Variants in TBL2 observed in about 807,000 individuals in gnomAD.
TBL2 encodes the protein transducin beta like 2, also known as transducin beta-like protein 2.
Under a neutral mutation model 41.8 loss-of-function variants are expected in TBL2, and 33 were observed. The observed-to-expected ratio is 0.79, with a 90% CI of 0.60 to 1.06. The LOEUF (loss-of-function observed/expected upper bound fraction) is 1.06, where lower values mean the gene tolerates loss of function less well. Ranked by LOEUF, TBL2 falls within the 50% of genes least tolerant of loss-of-function variation. TBL2 has a pLI of 0.00. For synonymous variants in TBL2, 239 were observed against 241.7 expected, an observed-to-expected ratio of 0.99 and a Z score of 0.10; for missense variants, 522 against 603.8, an observed-to-expected ratio of 0.86 and a Z score of 1.42.
chr7:73,577,044 G>T (rs547236428), intron 1 of TBL2, among the ~76,000 whole-genome samples: 57 of 151,998 alleles, frequency 3.8e-4, no homozygotes, highest in Non-Finnish European at 7.4e-4. Context: ...GATCACAAGA[G>T]GTTAGGAGAT....
rs558316664 is a variant in TBL2 at position 73,573,412 on chromosome 7, C to G, written c.506G>C (p.Arg169Pro). 3 of 1,614,042 alleles carry G rather than the reference C, an allele frequency of 1.9e-6. No homozygotes were observed. The highest frequency in any genetic ancestry group is 2.2e-5 in the South Asian group (2 of 91,082). The change falls in exon 4 of 7, where the codon CGG (arginine) becomes CCG (proline). Residue 169 changes from arginine (R) to proline (P), a missense_variant. Transcript: ENST00000305632. Reference protein sequence around the residue: ...DTLRVFKMTKREDGGYTFTAT... With the variant: ...DTLRVFKMTKPEDGGYTFTAT... ...TGTGAAGGTGTAGCCCCCATCCTCC[C>G]GCTTGGTCATCTTGAAGACACGGAG...
intron 1 of TBL2, among the ~76,000 whole-genome samples, chr7:73,577,744 C>A (rs1793428629): frequency 6.6e-6 from 1 of 152,122 alleles, no homozygotes; most frequent in Admixed American, 6.6e-5. Context: ...CCTGGACTCA[C>A]GACACCCTCC....
chr7:73,578,289 C>T (rs1176240671), intron 1 of TBL2, 131 bp downstream of exon 1: 2 of 1,534,808 alleles, frequency 1.3e-6, no homozygotes, highest in Non-Finnish European at 1.7e-6. Flanking sequence ...GCTCACGTTA[C>T]CAGAGGAGAA....
chr7:73,570,103 T>G lies in TBL2; in HGVS notation c.*404A>C, dbSNP rs1376673628. ...GGAAGCTATCCCAGTCTCCCATCCT[T>G]GCAAAACTGCTGCTTAGTACTCAGG... On this transcript the variant is annotated 3_prime_UTR_variant, in exon 7 of 7. Coordinates refer to ENST00000305632, the MANE Select transcript of TBL2 (RefSeq NM_012453.4). 6.1e-6 allele frequency: 1 copy of G among 165,056 alleles called. No individual in the cohort carries two copies. The highest frequency in any genetic ancestry group is 5.9e-5 in the Admixed American group (1 of 16,884). 10.2% of individuals were successfully genotyped at this position (165,056 alleles called of 1,614,324 possible).
chr7:73,571,120 G>C, intron 6 of TBL2, 69 bp downstream of exon 6: 2 of 1,605,516 alleles, frequency 1.2e-6, no homozygotes, highest in Non-Finnish European at 8.5e-7. Flanking sequence ...GGCACAAACA[G>C]ACAGAAGGAC....
intron 1 of TBL2, among the ~76,000 whole-genome samples, chr7:73,577,758 C>A (rs1327422355): frequency 2.0e-5 from 3 of 152,140 alleles, no homozygotes; most frequent in Admixed American, 6.6e-5. Context: ...ACCCTCCTGC[C>A]TCGGCCTCCC....
chr7:73,573,325 T>G lies in TBL2; in HGVS notation c.593A>C (p.Asn198Thr). 1 of 1,614,150 alleles carries G rather than the reference T, an allele frequency of 6.2e-7. No individual in the cohort carries two copies. Among genetic ancestry groups the G allele is most frequent in the Non-Finnish European group, 8.5e-7 (1 of 1,179,982 alleles). Residue 198 changes from asparagine (N) to threonine (T), a missense_variant, in exon 4 of 7, where the codon AAC becomes ACC. Asn to Thr is a moderately conservative substitution (Grantham distance 65, BLOSUM62 0). Transcript: ENST00000305632. ...ACCCTCTGAATGCCTCTTACCTGTG[T>G]TAGCAATGCCAATGTCGATGACAGG... ...KAPVIDIGIA[N>T]TGKFIMTASS...
Position 73,571,155 on chromosome 7 carries a change from G to C in TBL2, c.878+34C>G, listed in dbSNP as rs1792919370. ...CCCTGGTTGTCAAGAGGGGCCAAGAGCCACTGGTCAGACATCAGAGCGGAT... is the reference window on the plus strand; with the variant it reads ...CCCTGGTTGTCAAGAGGGGCCAAGACCCACTGGTCAGACATCAGAGCGGAT... On this transcript the variant is annotated intron_variant, in intron 6 of 6. Transcript: ENST00000305632. 8 of 1,612,936 alleles carry C rather than the reference G, an allele frequency of 5.0e-6. No homozygotes were observed. In the East Asian group the frequency reaches 1.8e-4, roughly 36 times the overall value.
At chr7:73,571,395 T>C in intron 5 of TBL2, 54 bp from the exon 6 acceptor site, 1 of 1,606,034 alleles carries the variant, frequency 6.2e-7, no homozygotes, top group South Asian at 1.1e-5. Context: ...ATGTTGTTCC[T>C]GTAAAACCCC....
intron 1 of TBL2, 131 bp downstream of exon 1, chr7:73,578,289 C>A: frequency 6.5e-7 from 1 of 1,534,924 alleles, no homozygotes; most frequent in Non-Finnish European, 8.7e-7. Flanking sequence ...GCTCACGTTA[C>A]CAGAGGAGAA....
chr7:73,572,104 G>A (rs1335413580), intron 5 of TBL2: 1 of 156,128 alleles, frequency 6.4e-6, no homozygotes, highest in Non-Finnish European at 1.4e-5. Flanking sequence ...GTTCTTTTAT[G>A]TATGTGACCT....
intron 5 of TBL2, 91 bp from the exon 6 acceptor site, chr7:73,571,432 A>G: frequency 1.3e-6 from 2 of 1,547,540 alleles, no homozygotes; most frequent in Admixed American, 3.7e-5. Flanking sequence ...GAAAGTTGAT[A>G]ATCCTCATAT....
At chr7:73,572,769 T>C (rs1420141653) in intron 5 of TBL2, 75 bp downstream of exon 5, 9 of 1,602,974 alleles carry the variant, frequency 5.6e-6, no homozygotes, top group Middle Eastern at 1.8e-4. Context: ...GCGATGAAGC[T>C]GGCTCTCTGT....
At chr7:73,576,430 G>A (rs527494565) in intron 1 of TBL2, 1 of 328,238 alleles carries the variant, frequency 3.0e-6, no homozygotes, top group African/African-American at 2.2e-5. Context: ...GCCGGGCGTG[G>A]TGGCAGGCGC....
rs190094526 is a variant in TBL2, at chr7:73,575,165, G to A, written c.131-652C>T. Among the ~76,000 whole-genome samples, 229 of 150,730 alleles carry A rather than the reference G, an allele frequency of 1.5e-3. 1 individual carries two copies. The highest frequency in any genetic ancestry group is 5.2e-3 in the African/African-American group (213 of 40,988). On this transcript the variant is annotated intron_variant, in intron 1 of 6. Coordinates refer to ENST00000305632, the MANE Select transcript of TBL2 (RefSeq NM_012453.4). ...TTTGGAGACAGAGTCTTGCTCTGTC[G>A]CCCAGGCTGGAGTGCAGTGGCGTGA... is the stretch of plus-strand genomic sequence containing the variant.
rs1554587346 is a variant in TBL2, at chr7:73,570,893, A to C, written c.958T>G (p.Leu320Val). ...VEYKKKQDPY[L>V]LKTGRFEEAA... Reference sequence around the variant, plus strand: ...TCTTCAAAGCGGCCTGTCTTCAGCAAGTAGGGGTCCTGCTTCTTCTTGTAT... The same window carrying C: ...TCTTCAAAGCGGCCTGTCTTCAGCACGTAGGGGTCCTGCTTCTTCTTGTAT... The change falls in exon 7 of 7, where the codon TTG (leucine) becomes GTG (valine). Residue 320 changes from leucine (L) to valine (V), a missense_variant. Transcript: ENST00000305632. 2 of 1,613,812 alleles carry C rather than the reference A, an allele frequency of 1.2e-6. No homozygotes were observed. The highest frequency in any genetic ancestry group is 1.7e-6 in the Non-Finnish European group (2 of 1,180,020).
chr7:73,574,598 A>G (rs1554588547), intron 1 of TBL2, 85 bp from the exon 2 acceptor site: 1 of 1,585,506 alleles, frequency 6.3e-7, no homozygotes, highest in Non-Finnish European at 8.6e-7. Context: ...ATTGAGTGGA[A>G]CAGCAGGAGA....
In TBL2 at chr7:73,570,610, C is replaced by T; in HGVS notation, c.1241G>A (p.Gly414Asp). 2.5e-6 allele frequency: 4 copies of T among 1,613,442 alleles called. No homozygotes were observed. Among genetic ancestry groups the T allele is most frequent in the South Asian group, 1.1e-5 (1 of 91,018 alleles). The change falls in exon 7 of 7, where the codon GGC (glycine) becomes GAC (aspartate). Residue 414 changes from glycine (G) to aspartate (D), a missense_variant. Gly to Asp is a moderately conservative substitution (Grantham distance 94). Transcript: ENST00000305632. ...CTCGTTGGAGGCCCGCTTCAGGTGG[C>T]CCTGCATCTCCTCCACCATGGCTCG... ...GHRAMVEEMQ[G>D]HLKRASNEST... is the part of the protein sequence containing the mutation.
rs1554586542 is a variant in TBL2, at chr7:73,568,369, G to A, written c.*2138C>T. Among the ~76,000 whole-genome samples the A allele has an allele frequency of 1.3e-5, 2 of 152,144 alleles. No individual in the cohort carries two copies. The highest frequency in any genetic ancestry group is 4.8e-5 in the African/African-American group (2 of 41,434). ...TAGTGTTTTGTTTGGTCCAGATAGT[G>A]TTTAGTTATTTAAGTTGCTCACTTC... On this transcript the variant is annotated 3_prime_UTR_variant, in exon 7 of 7. Transcript: ENST00000305632.
Sources: gnomAD v4.1 joint callset for allele counts (sites outside exome capture counted in the v4.1 genomes callset) on GRCh38, gnomAD v4.1.1 for gene constraint, MANE v1.5 for transcripts, NCBI Gene and HGNC (gene_info 2026-07-23, HGNC 2026-07-21) for gene names.